TNS3: variants seen among roughly 807,000 people sequenced by gnomAD.
The protein encoded by TNS3 is tensin 3, also known as tensin-3.
A neutral mutation model predicts 140.9 loss-of-function variants in TNS3; 45 were observed. The observed-to-expected ratio is 0.32, with a 90% CI of 0.25 to 0.41. The LOEUF (loss-of-function observed/expected upper bound fraction) is 0.41, where lower values mean the gene tolerates loss of function less well. Among genes scored for constraint, TNS3 ranks in the 10% least tolerant of loss-of-function variants. The probability of loss-of-function intolerance (pLI) is 1.00; values close to 1 mark genes in which losing one functional copy is unlikely to be tolerated. For missense variants in TNS3, 1,716 were observed against 1,906.7 expected (o/e 0.90, Z 1.86); for synonymous variants, 815 against 788.4 (o/e 1.03, Z -0.56).
intron 10 of TNS3, among the ~76,000 whole-genome samples, chr7:47,420,135 T>A (rs2151454234): frequency 6.6e-6 from 1 of 152,360 alleles, no homozygotes; most frequent in South Asian, 2.1e-4. Flanking sequence ...TCCTTGTATC[T>A]TTAAAGTATT....
chr7:47,400,578 C>A, intron 14 of TNS3, 120 bp from the exon 15 acceptor site: 2 of 1,251,644 alleles, frequency 1.6e-6, no homozygotes, highest in East Asian at 2.4e-5. Flanking sequence ...ATAAAGACAC[C>A]CCATGATACA....
chr7:47,481,114 G>C lies in TNS3; in HGVS notation c.-87C>G. On this transcript the variant is annotated 5_prime_UTR_variant, in exon 4 of 31. Transcript: ENST00000311160. ...TGCAAAGGGCTTACCTGTTCCAGTC[G>C]GACTTGCACACCGCAGGGAATCACC... 7.8e-7 allele frequency: 1 copy of C among 1,289,776 alleles called. No individual in the cohort carries two copies. Among genetic ancestry groups the C allele is most frequent in the Non-Finnish European group, 1.0e-6 (1 of 988,872 alleles). The allele number at this position is 1,289,776 out of a possible 1,614,324, so 79.9% of individuals were successfully genotyped here.
chr7:47,406,455 A>T (rs1793454311), intron 13 of TNS3, among the ~76,000 whole-genome samples: 1 of 152,200 alleles, frequency 6.6e-6, no homozygotes, highest in Non-Finnish European at 1.5e-5. Context: ...AGTAAGTCCC[A>T]GTGCAGAGGC....
intron 17 of TNS3, among the ~76,000 whole-genome samples, chr7:47,361,401 A>G (rs1368187669): frequency 6.6e-6 from 1 of 151,708 alleles, no homozygotes; most frequent in African/African-American, 2.4e-5. Flanking sequence ...TCTCCTCCAG[A>G]CCATCTGCCT....
intron 4 of TNS3, among the ~76,000 whole-genome samples, chr7:47,460,606 A>G (rs1236418036): frequency 6.6e-6 from 1 of 152,236 alleles, no homozygotes; most frequent in Non-Finnish European, 1.5e-5. Context: ...TCCTGGCAGG[A>G]AGCCAGGCTG....
chr7:47,530,212 C>A (rs992307180), intron 1 of TNS3, among the ~76,000 whole-genome samples: 2 of 152,066 alleles, frequency 1.3e-5, no homozygotes, highest in African/African-American at 4.8e-5. Context: ...ATCAAACATT[C>A]ATTGAGGAAA....
intron 25 of TNS3, among the ~76,000 whole-genome samples, chr7:47,293,169 T>C (rs911137395): frequency 3.3e-5 from 5 of 152,240 alleles, no homozygotes; most frequent in African/African-American, 1.2e-4. Context: ...GACTAAAGCA[T>C]ACAGTTTGTT....
At chr7:47,404,619 G>A (rs1793341646) in intron 13 of TNS3, among the ~76,000 whole-genome samples, 1 of 151,832 alleles carries the variant, frequency 6.6e-6, no homozygotes, top group African/African-American at 2.4e-5. Flanking sequence ...GGGCGCGGTG[G>A]CTCACGCCTG....
At chr7:47,291,323 C>T (rs922250635) in intron 27 of TNS3, among the ~76,000 whole-genome samples, 2 of 152,086 alleles carry the variant, frequency 1.3e-5, no homozygotes, top group Non-Finnish European at 2.9e-5. Flanking sequence ...AATATCAAGT[C>T]CCTAAACTAG....
intron 1 of TNS3, among the ~76,000 whole-genome samples, chr7:47,547,190 T>C (rs1050929299): frequency 6.6e-6 from 1 of 152,058 alleles, no homozygotes. Flanking sequence ...CGGGCTCCAG[T>C]GTAGACTGGG....
At chr7:47,382,456 G>A (rs543544195) in intron 16 of TNS3, among the ~76,000 whole-genome samples, 1 of 152,320 alleles carries the variant, frequency 6.6e-6, no homozygotes, top group South Asian at 2.1e-4. Context: ...TGATTATATG[G>A]AGCCTGTGCA....
chr7:47,519,196 T>C (rs978982360), intron 2 of TNS3, among the ~76,000 whole-genome samples: 2 of 152,112 alleles, frequency 1.3e-5, no homozygotes, highest in Non-Finnish European at 2.9e-5. Context: ...AATCTATGTA[T>C]AGGACGAACC....
intron 2 of TNS3, among the ~76,000 whole-genome samples, chr7:47,519,816 CTTTTTTTTTTTTTT>C (rs34418629): frequency 6.7e-5 from 5 of 74,824 alleles, no homozygotes; most frequent in African/African-American, 2.7e-4. Flanking sequence ...CCTCACATTT[CTTTTTTTTTTTTTT>C]TTTTTTTTTT....
At chr7:47,345,898 G>A (rs1171987834) in intron 18 of TNS3, among the ~76,000 whole-genome samples, 1 of 152,262 alleles carries the variant, frequency 6.6e-6, no homozygotes, top group Non-Finnish European at 1.5e-5. Flanking sequence ...CTACAGATTA[G>A]AACATAGAGG....
At chr7:47,523,230 C>A (rs1268575963) in intron 2 of TNS3, among the ~76,000 whole-genome samples, 1 of 152,108 alleles carries the variant, frequency 6.6e-6, no homozygotes, top group Non-Finnish European at 1.5e-5. Flanking sequence ...CTAATCCCAC[C>A]CATGAGGCTC....
chr7:47,433,347 G>A (rs142884207), intron 8 of TNS3, among the ~76,000 whole-genome samples: 32 of 152,266 alleles, frequency 2.1e-4, no homozygotes, highest in South Asian at 4.1e-4. Context: ...ATTTCTAAGC[G>A]TTTCAAAAAT....
At chr7:47,528,809 C>T (rs550251489) in intron 2 of TNS3, among the ~76,000 whole-genome samples, 7 of 152,326 alleles carry the variant, frequency 4.6e-5, no homozygotes, top group African/African-American at 1.7e-4. Context: ...CCTCCTCTCC[C>T]ATCGGGAAAC....
At chr7:47,521,751 G>C (rs1026956971) in intron 2 of TNS3, among the ~76,000 whole-genome samples, 9 of 152,250 alleles carry the variant, frequency 5.9e-5, no homozygotes, top group Middle Eastern at 3.4e-3. Context: ...CAAAGCACCT[G>C]GGGGAGTCAG....
intron 17 of TNS3, among the ~76,000 whole-genome samples, chr7:47,364,010 C>G (rs760141682): frequency 3.9e-5 from 6 of 152,088 alleles, no homozygotes; most frequent in African/African-American, 7.2e-5. Flanking sequence ...GGCACTCCAG[C>G]AGCATCCCCA....
Sources: allele counts gnomAD v4.1 joint callset (sites outside exome capture counted in the v4.1 genomes callset), GRCh38; gene constraint gnomAD v4.1.1; transcripts MANE v1.5; gene names NCBI Gene and HGNC (gene_info 2026-07-23, HGNC 2026-07-21).